FBXL2: variants seen among roughly 807,000 people sequenced by gnomAD.
FBXL2 encodes F-box/LRR-repeat protein 2.
FBXL2 carries 38 observed loss-of-function variants against 69.2 expected under a neutral mutation model. The ratio of observed to expected loss-of-function variants is 0.55; its 90% CI spans 0.42 to 0.72. FBXL2 has a LOEUF of 0.72. Ranked by LOEUF, FBXL2 falls within the 30% of genes least tolerant of loss-of-function variation. The probability of loss-of-function intolerance (pLI) is 0.00; values close to 1 mark genes in which losing one functional copy is unlikely to be tolerated. For synonymous variants in FBXL2, 192 were observed against 201.3 expected, an observed-to-expected ratio of 0.95 and a Z score of 0.39; for missense variants, 354 against 520.3, an observed-to-expected ratio of 0.68 and a Z score of 3.11.
chr3:33,284,211 A>T (rs1335319966), intron 1 of FBXL2, among the ~76,000 whole-genome samples: 4 of 152,164 alleles, frequency 2.6e-5, no homozygotes, highest in Non-Finnish European at 5.9e-5. Flanking sequence ...CCCTCTACAC[A>T]CTGCTTTAAA....
At chr3:33,399,821 C>A (rs1489614053) in intron 12 of FBXL2, among the ~76,000 whole-genome samples, 1 of 151,768 alleles carries the variant, frequency 6.6e-6, no homozygotes, top group Non-Finnish European at 1.5e-5. Flanking sequence ...ATGTGAGAAA[C>A]GGAGTGAAGA....
chr3:33,322,860 A>G (rs1273876934), intron 2 of FBXL2, among the ~76,000 whole-genome samples: 2 of 152,180 alleles, frequency 1.3e-5, no homozygotes, highest in African/African-American at 4.8e-5. Flanking sequence ...GAAAGGTATG[A>G]TGAAGTCTAC....
intron 1 of FBXL2, among the ~76,000 whole-genome samples, chr3:33,296,838 C>A (rs1204498980): frequency 6.6e-6 from 1 of 152,130 alleles, no homozygotes; most frequent in Non-Finnish European, 1.5e-5. Flanking sequence ...TCCTTCAACT[C>A]TTGTTTTTCC....
intron 2 of FBXL2, among the ~76,000 whole-genome samples, chr3:33,325,356 C>A (rs879247272): frequency 1.3e-5 from 2 of 152,170 alleles, no homozygotes; most frequent in Non-Finnish European, 2.9e-5. Flanking sequence ...GAAAGGGCAT[C>A]CTTGTCTTGT....
chr3:33,412,675 G>T, the FBXL2 span: 2 of 1,248,282 alleles, frequency 1.6e-6, no homozygotes, highest in Non-Finnish European at 2.4e-6. Flanking sequence ...ACTGGCTATA[G>T]CTAAACAATA....
intron 2 of FBXL2, among the ~76,000 whole-genome samples, chr3:33,357,931 A>G (rs758583744): frequency 2.0e-5 from 3 of 152,202 alleles, no homozygotes; most frequent in Admixed American, 1.3e-4. Context: ...GATGGCATCT[A>G]TGCAGTCAGT....
chr3:33,330,898 AACACACACACACACAAAC>A (rs935661631), intron 2 of FBXL2, among the ~76,000 whole-genome samples: 15 of 148,414 alleles, frequency 1.0e-4, no homozygotes, highest in African/African-American at 3.5e-4. Flanking sequence ...CACACACACA[AACACACACACACACAAAC>A]ACACACACAC....
At chr3:33,367,999 A>T (rs1296016858) in intron 5 of FBXL2, among the ~76,000 whole-genome samples, 1 of 152,176 alleles carries the variant, frequency 6.6e-6, no homozygotes, top group Non-Finnish European at 1.5e-5. Flanking sequence ...TTTAGTTTCC[A>T]AATATTTGGA....
intron 2 of FBXL2, among the ~76,000 whole-genome samples, chr3:33,300,057 C>A (rs1334067002): frequency 6.6e-6 from 1 of 152,054 alleles, no homozygotes; most frequent in African/African-American, 2.4e-5. Flanking sequence ...AAGCTGTAAT[C>A]TAAATATGGT....
In FBXL2 at chr3:33,331,290, A is replaced by C. The variant is rs75932687; in HGVS notation, c.66-27677A>C. On this transcript the variant is annotated intron_variant, in intron 2 of 14. Coordinates refer to ENST00000484457, the MANE Select transcript of FBXL2 (RefSeq NM_012157.5). ...CAGAGAAGTAAATATGTTGTTAAAG[A>C]AAGTCATCTTAGGATACCTGTAACA... Among the ~76,000 whole-genome samples the C allele has an allele frequency of 2.8e-4, 42 of 152,244 alleles. No homozygotes were observed. In the East Asian group the frequency reaches 7.9e-3, roughly 29 times the overall value.
intron 5 of FBXL2, among the ~76,000 whole-genome samples, chr3:33,367,155 G>A (rs537698734): frequency 9.9e-5 from 15 of 151,906 alleles, no homozygotes; most frequent in African/African-American, 3.1e-4. Flanking sequence ...GAGTGCAATG[G>A]CACAGTCTTG....
chr3:33,373,732 T>C (rs779039470), intron 8 of FBXL2, 28 bp downstream of exon 8: 2 of 1,614,106 alleles, frequency 1.2e-6, no homozygotes, highest in South Asian at 2.2e-5. Flanking sequence ...CAGCTGTTTG[T>C]GTTATGTGTC....
At chr3:33,305,239 C>A (rs750380077) in intron 2 of FBXL2, among the ~76,000 whole-genome samples, 46 of 151,822 alleles carry the variant, frequency 3.0e-4, no homozygotes, top group Admixed American at 1.5e-3. Flanking sequence ...CTTCTGAAAG[C>A]TTAAAAATTT....
chr3:33,316,061 C>CTT (rs112932404), intron 2 of FBXL2, among the ~76,000 whole-genome samples: 15 of 141,472 alleles, frequency 1.1e-4, no homozygotes, highest in Admixed American at 1.4e-4. Flanking sequence ...GTTTTGCTTA[C>CTT]TTTTTTTTTT....
At chr3:33,341,292 C>T (rs2039997392) in intron 2 of FBXL2, among the ~76,000 whole-genome samples, 1 of 152,020 alleles carries the variant, frequency 6.6e-6, no homozygotes, top group Non-Finnish European at 1.5e-5. Context: ...TTAATAAAAT[C>T]CAGACTGTGA....
intron 2 of FBXL2, among the ~76,000 whole-genome samples, chr3:33,343,531 AAT>A (rs1161157701): frequency 1.3e-5 from 2 of 152,142 alleles, no homozygotes; most frequent in Non-Finnish European, 2.9e-5. Context: ...ATAATGAAGC[AAT>A]AAAAATATTT....
intron 5 of FBXL2, among the ~76,000 whole-genome samples, chr3:33,370,630 C>T (rs2042238139): frequency 6.6e-6 from 1 of 151,604 alleles, no homozygotes; most frequent in Admixed American, 6.6e-5. Context: ...TCTCTCTCTT[C>T]CTCTCTCTGG....
chr3:33,411,268 A>G, the FBXL2 span, among the ~76,000 whole-genome samples: 2 of 152,252 alleles, frequency 1.3e-5, no homozygotes, highest in African/African-American at 2.4e-5. Context: ...TCTTTTTTCA[A>G]TCGTATCCTT....
At chr3:33,374,676 G>T (rs1488429517) in intron 9 of FBXL2, among the ~76,000 whole-genome samples, 1 of 152,196 alleles carries the variant, frequency 6.6e-6, no homozygotes, top group East Asian at 1.9e-4. Context: ...CTGATGGCTT[G>T]AAGTATAATA....
Sources: gnomAD v4.1 joint callset for allele counts (sites outside exome capture counted in the v4.1 genomes callset) on GRCh38, gnomAD v4.1.1 for gene constraint, MANE v1.5 for transcripts, NCBI Gene and HGNC (gene_info 2026-07-23, HGNC 2026-07-21) for gene names.